The following CFAP52 variants were observed in gnomAD, a reference collection of about 807,000 sequenced individuals.
The protein encoded by CFAP52 is cilia- and flagella-associated protein 52.
Under a neutral mutation model 70.5 loss-of-function variants are expected in CFAP52, and 57 were observed. That is an observed-to-expected ratio of 0.81 (90% CI 0.65 to 1.01). The LOEUF (loss-of-function observed/expected upper bound fraction) is 1.01, where lower values mean the gene tolerates loss of function less well. CFAP52 is among the 50% of genes least tolerant of loss of function. The pLI is 0.00. For synonymous variants in CFAP52, 267 were observed against 292.5 expected, an observed-to-expected ratio of 0.91 and a Z score of 0.89; for missense variants, 785 against 788.5, an observed-to-expected ratio of 1.00 and a Z score of 0.05.
At position 9,594,404 on chromosome 17, in the gene CFAP52, G is replaced by A. The variant is rs1597772054; in HGVS notation, c.536+83G>A. On this transcript the variant is annotated intron_variant, in intron 4 of 13. Transcript: ENST00000352665. ...GAAAACATGGTCATTCTGATCTGGG[G>A]GAACACGTCTTTAGTCCTGGATAAA... 5 of 1,520,500 alleles carry A rather than the reference G, an allele frequency of 3.3e-6. 1 individual carries two copies. The East Asian group carries it at 1.2e-4, about 36-fold the overall frequency. 94.2% of individuals were successfully genotyped at this position (1,520,500 alleles called of 1,614,324 possible). A position where few individuals can be genotyped will look rare whatever the true frequency, so the allele number is the denominator to read the frequency against.
At chr17:9,636,084 G>T (rs1406831568) in intron 11 of CFAP52, among the ~76,000 whole-genome samples, 1 of 151,934 alleles carries the variant, frequency 6.6e-6, no homozygotes, top group East Asian at 1.9e-4. Flanking sequence ...TGAGGCAGGA[G>T]AGTCGCTTGA....
chr17:9,613,766 A>C (rs1001777431), intron 8 of CFAP52, among the ~76,000 whole-genome samples: 4 of 151,626 alleles, frequency 2.6e-5, no homozygotes, highest in African/African-American at 9.7e-5. Flanking sequence ...TGATCCACCC[A>C]CCTCAGCCTC....
Position 9,608,038 on chromosome 17 carries a change from G to C in CFAP52, c.754-81G>C. The C allele has an allele frequency of 2.8e-6, 3 of 1,053,108 alleles. No homozygotes were observed. The South Asian group carries it at 6.6e-5, about 23-fold the overall frequency. 65.2% of individuals were successfully genotyped at this position (1,053,108 alleles called of 1,614,324 possible). A position where few individuals can be genotyped will look rare whatever the true frequency, so the allele number is the denominator to read the frequency against. On this transcript the variant is annotated intron_variant, in intron 6 of 13. Transcript: ENST00000352665. ...GCCATATGTTTTTGGGGAACAGGTG[G>C]TATTTGGTTACATGAGTACATTCTT...
intron 8 of CFAP52, among the ~76,000 whole-genome samples, chr17:9,622,323 G>A (rs1310954197): frequency 1.3e-5 from 2 of 152,262 alleles, no homozygotes; most frequent in South Asian, 2.1e-4. Flanking sequence ...TGAGGTGGGA[G>A]GATAATTAAA....
At chr17:9,640,997 T>A (rs1911031045) in intron 12 of CFAP52, among the ~76,000 whole-genome samples, 2 of 152,202 alleles carry the variant, frequency 1.3e-5, no homozygotes, top group Admixed American at 1.3e-4. Flanking sequence ...TTTAGGTTGA[T>A]TCCCTGTCTT....
intron 12 of CFAP52, among the ~76,000 whole-genome samples, chr17:9,641,277 G>A (rs886324667): frequency 6.6e-6 from 1 of 152,140 alleles, no homozygotes; most frequent in Admixed American, 6.5e-5. Context: ...GGAAGAGGGA[G>A]GGCGCAGTCC....
chr17:9,641,567 C>T (rs1181351762), intron 12 of CFAP52, among the ~76,000 whole-genome samples, 157 bp from the exon 13 acceptor site: 2 of 152,118 alleles, frequency 1.3e-5, no homozygotes, highest in African/African-American at 4.8e-5. Context: ...AATGGTTTTG[C>T]CACCCCCTGC....
At chr17:9,577,266 G>A (rs78477371) in intron 1 of CFAP52, among the ~76,000 whole-genome samples, 3,656 of 152,302 alleles carry the variant, frequency 0.024, 55 homozygotes, top group South Asian at 0.035. Context: ...CCCCCTGAGG[G>A]GATGTTGTTG....
chr17:9,630,810 AC>A (rs1486750126), intron 9 of CFAP52, among the ~76,000 whole-genome samples: 2 of 142,022 alleles, frequency 1.4e-5, no homozygotes, highest in Admixed American at 1.4e-4. Flanking sequence ...ATATGGTGAA[AC>A]CCCATCTCTA....
chr17:9,578,994 G>T (rs184326223), intron 1 of CFAP52, among the ~76,000 whole-genome samples: 235 of 152,244 alleles, frequency 1.5e-3, no homozygotes, highest in African/African-American at 5.5e-3. Context: ...AATGAGGCAT[G>T]TCTGACCTCC....
chr17:9,600,616 G>A (rs1031607609), intron 6 of CFAP52, among the ~76,000 whole-genome samples: 12 of 151,990 alleles, frequency 7.9e-5, no homozygotes, highest in Non-Finnish European at 1.3e-4. Context: ...CCAGGCTGGC[G>A]TGCAGTGGCG....
At chr17:9,631,033 AGAGAGAG>A (rs1910483737) in intron 9 of CFAP52, among the ~76,000 whole-genome samples, 13 of 66,586 alleles carry the variant, frequency 2.0e-4, no homozygotes, top group African/African-American at 5.5e-4. Flanking sequence ...AAAGAAAGAG[AGAGAGAG>A]AGAGAGAGAG....
At chr17:9,584,109 C>G (rs956337385) in intron 1 of CFAP52, 1 of 1,001,782 alleles carries the variant, frequency 1.0e-6, no homozygotes. Context: ...TGCCATCTGC[C>G]CTGTTCTTAC....
In CFAP52 at chr17:9,629,487, CTTTCTTTCT is replaced by C. The variant is rs960413427; in HGVS notation, c.1174+675_1174+683del. 1.7e-3 allele frequency among the ~76,000 whole-genome samples: 232 copies of C among 133,618 alleles called. 4 individuals are homozygous for C. The East Asian group carries it at 0.029, about 17-fold the overall frequency. 87.7% of individuals were successfully genotyped at this position (133,618 alleles called of 152,430 possible). ...TTTCTTTCTTTCCCTTTCTTTCTTT[CTTTCTTTCT>C]TTTCTTTTCTTTCTTTCTTTCTTCT... is the stretch of plus-strand genomic sequence containing the variant. On this transcript the variant is annotated intron_variant, in intron 9 of 13. Transcript: ENST00000352665.
At chr17:9,611,422 G>A (rs1909708593) in intron 7 of CFAP52, among the ~76,000 whole-genome samples, 1 of 151,998 alleles carries the variant, frequency 6.6e-6, no homozygotes, top group South Asian at 2.1e-4. Context: ...GGATGAGATT[G>A]TGACTCACTG....
At chr17:9,612,531 G>T (rs1321564213) in intron 8 of CFAP52, 52 bp downstream of exon 8, 1 of 1,544,010 alleles carries the variant, frequency 6.5e-7, no homozygotes, top group South Asian at 1.2e-5. Context: ...GTGTGCCAGG[G>T]CATTTAATTT....
chr17:9,641,649 C>T (rs1407214952), intron 12 of CFAP52, 75 bp from the exon 13 acceptor site: 2 of 1,053,758 alleles, frequency 1.9e-6, no homozygotes, highest in Admixed American at 3.6e-5. Flanking sequence ...TAAAGTAGAG[C>T]CATCTTTTGT....
intron 1 of CFAP52, chr17:9,584,220 C>T: frequency 1.6e-6 from 2 of 1,257,844 alleles, no homozygotes; most frequent in Non-Finnish European, 2.1e-6. Context: ...GAATAAACTA[C>T]CAACTCAAGC....
chr17:9,603,797 G>A (rs570316236), intron 6 of CFAP52, among the ~76,000 whole-genome samples: 9 of 152,122 alleles, frequency 5.9e-5, no homozygotes, highest in African/African-American at 9.7e-5. Flanking sequence ...TAACAAACCC[G>A]CATGTTCTGC....
Sources: allele counts gnomAD v4.1 joint callset (sites outside exome capture counted in the v4.1 genomes callset), GRCh38; gene constraint gnomAD v4.1.1; transcripts MANE v1.5; gene names NCBI Gene and HGNC (gene_info 2026-07-23, HGNC 2026-07-21).